Variants in ARHGEF4 observed in about 807,000 individuals in gnomAD.
The protein encoded by ARHGEF4 is APC-stimulated guanine nucleotide exchange factor 1.
In ARHGEF4, 119 loss-of-function variants were observed where a neutral mutation model predicts 162.0. That is an observed-to-expected ratio of 0.73 (90% CI 0.63 to 0.86). The LOEUF (loss-of-function observed/expected upper bound fraction) is 0.86. ARHGEF4 is among the 40% of genes least tolerant of loss of function. The pLI is 0.00. For synonymous variants in ARHGEF4, 1,014 were observed against 979.9 expected (o/e 1.03, Z -0.65); for missense variants, 2,488 against 2,456.0 (o/e 1.01, Z -0.28).
chr2:130,953,589 C>A (rs775800250), intron 4 of ARHGEF4, among the ~76,000 whole-genome samples: 1 of 152,058 alleles, frequency 6.6e-6, no homozygotes, highest in African/African-American at 2.4e-5. Context: ...TTCTGCACAG[C>A]AAAAGAAACT....
chr2:131,035,070 A>G, intron 5 of ARHGEF4: 1 of 1,013,506 alleles, frequency 9.9e-7, no homozygotes, highest in East Asian at 9.9e-5. Flanking sequence ...TCGGGGCCGC[A>G]CGGAGCGGGA....
At chr2:130,869,859 A>G (rs1377669706) in intron 1 of ARHGEF4, among the ~76,000 whole-genome samples, 2 of 152,238 alleles carry the variant, frequency 1.3e-5, no homozygotes, top group Non-Finnish European at 2.9e-5. Flanking sequence ...CTTGGGGGCC[A>G]GAGGCTCAGA....
intron 4 of ARHGEF4, among the ~76,000 whole-genome samples, chr2:130,993,658 G>GT (rs942475542): frequency 7.0e-4 from 106 of 152,078 alleles, no homozygotes; most frequent in African/African-American, 2.5e-3. Flanking sequence ...ATTATTAAAT[G>GT]TTTTTCTTTT....
chr2:130,920,321 T>G (rs545767596), intron 2 of ARHGEF4, among the ~76,000 whole-genome samples: 1 of 152,292 alleles, frequency 6.6e-6, no homozygotes, highest in South Asian at 2.1e-4. Context: ...GTTGCCCCAG[T>G]TGGAGTCTGC....
Position 130,967,170 on chromosome 2 carries a change from G to A in ARHGEF4, c.3985+20535G>A, listed in dbSNP as rs141272968. On this transcript the variant is annotated intron_variant, in intron 4 of 13. Transcript: ENST00000409359. ...GAATCCAGGCAGGGCCTCTAGACTCGCCTTGCTTTCAAAAGACTCCTTGAA... is the reference window on the plus strand; with the variant it reads ...GAATCCAGGCAGGGCCTCTAGACTCACCTTGCTTTCAAAAGACTCCTTGAA... 1.9e-3 allele frequency among the ~76,000 whole-genome samples: 284 copies of A among 152,286 alleles called. 3 individuals are homozygous for A. Among genetic ancestry groups the A allele is most frequent in the African/African-American group, 6.5e-3 (268 of 41,548 alleles).
At chr2:130,945,537 C>T (rs1683558651) in intron 3 of ARHGEF4, among the ~76,000 whole-genome samples, 1 of 152,174 alleles carries the variant, frequency 6.6e-6, no homozygotes, top group African/African-American at 2.4e-5. Context: ...CCTTAAGGAC[C>T]CTTTTCCCTC....
At chr2:131,035,071 C>T in intron 5 of ARHGEF4, 2 of 1,015,002 alleles carry the variant, frequency 2.0e-6, no homozygotes, top group Non-Finnish European at 2.4e-6. Flanking sequence ...CGGGGCCGCA[C>T]GGAGCGGGAG....
chr2:130,993,329 A>G (rs11896203), intron 4 of ARHGEF4, among the ~76,000 whole-genome samples: 145,818 of 152,314 alleles, frequency 0.96, 70,128 homozygotes, highest in Non-Finnish European at 1. Flanking sequence ...AATTTCTGGC[A>G]TATTTGTATT....
chr2:130,882,777 G>C lies in ARHGEF4; in HGVS notation c.40-31209G>C, dbSNP rs1679279681. Among the ~76,000 whole-genome samples, 5 of 151,840 alleles carry C rather than the reference G, an allele frequency of 3.3e-5. No homozygotes were observed. The South Asian group carries it at 1.0e-3, about 32-fold the overall frequency. ...ATTTAAAAGAAGCAGAAAATGAAAT[G>C]TCTGTGGGTGCAGGCAGGAGGGCCA... is the stretch of plus-strand genomic sequence containing the variant. On this transcript the variant is annotated intron_variant, in intron 1 of 13. Coordinates refer to ENST00000409359, the MANE Select transcript of ARHGEF4 (RefSeq NM_001367493.1).
At chr2:130,838,601 G>A (rs779946257) in intron 1 of ARHGEF4, among the ~76,000 whole-genome samples, 3 of 151,548 alleles carry the variant, frequency 2.0e-5, no homozygotes, top group South Asian at 4.2e-4. Flanking sequence ...GCGAGACTCC[G>A]TCTCAAAAAA....
chr2:131,003,317 C>T (rs2105316094), intron 4 of ARHGEF4, among the ~76,000 whole-genome samples: 1 of 152,362 alleles, frequency 6.6e-6, no homozygotes, highest in South Asian at 2.1e-4. Context: ...CACACTGTTT[C>T]TGTATGAAGT....
chr2:130,882,562 C>T (rs1177414007), intron 1 of ARHGEF4, among the ~76,000 whole-genome samples: 4 of 151,884 alleles, frequency 2.6e-5, no homozygotes, highest in Admixed American at 2.6e-4. Context: ...CTCTCAATAC[C>T]CTCACCTTGG....
chr2:130,916,469 C>T lies in ARHGEF4; in HGVS notation c.2523C>T (p.Ala841=). 1 of 1,543,898 alleles carries T rather than the reference C, an allele frequency of 6.5e-7. No homozygotes were observed. Among genetic ancestry groups the T allele is most frequent in the Non-Finnish European group, 8.7e-7 (1 of 1,145,984 alleles). ...GLPRENPPAA[A]GRDAPPLHHG... is the part of the protein sequence containing the mutation. ...CCAGGGAGAATCCGCCCGCTGCGGC[C>T]GGTCGGGACGCACCGCCTCTGCACC... Residue 841 remains alanine, a synonymous_variant, in exon 2 of 14, where the codon GCC becomes GCT. Coordinates refer to ENST00000409359, the MANE Select transcript of ARHGEF4 (RefSeq NM_001367493.1).
At chr2:130,885,421 G>A (rs186658517) in intron 1 of ARHGEF4, among the ~76,000 whole-genome samples, 218 of 151,572 alleles carry the variant, frequency 1.4e-3, no homozygotes, top group Non-Finnish European at 2.8e-3. Flanking sequence ...TCATTCAAGA[G>A]GAAAGAACCC....
At chr2:130,939,501 A>G (rs1683161627) in intron 3 of ARHGEF4, among the ~76,000 whole-genome samples, 1 of 152,020 alleles carries the variant, frequency 6.6e-6, no homozygotes, top group African/African-American at 2.4e-5. Flanking sequence ...CTATGTACTG[A>G]GCCTTCATGT....
At chr2:130,947,542 C>G (rs772571254) in intron 4 of ARHGEF4, among the ~76,000 whole-genome samples, 14 of 152,172 alleles carry the variant, frequency 9.2e-5, no homozygotes, top group Non-Finnish European at 1.5e-4. Flanking sequence ...CTCTAATCAG[C>G]TGATGGAACT....
At position 130,967,101 on chromosome 2, in the gene ARHGEF4, G is replaced by A. The variant is rs577615500; in HGVS notation, c.3985+20466G>A. On this transcript the variant is annotated intron_variant, in intron 4 of 13. Coordinates refer to ENST00000409359, the MANE Select transcript of ARHGEF4 (RefSeq NM_001367493.1). ...AAGCATCTGAAAAGTGAGTGCTTGTGACTGGATAGCAGCTTCCTCACAGGG... is the reference window on the plus strand; with the variant it reads ...AAGCATCTGAAAAGTGAGTGCTTGTAACTGGATAGCAGCTTCCTCACAGGG... Among the ~76,000 whole-genome samples the A allele has an allele frequency of 2.6e-5, 4 of 152,318 alleles. No individual in the cohort carries two copies. The South Asian group carries it at 8.3e-4, about 32-fold the overall frequency.
intron 4 of ARHGEF4, among the ~76,000 whole-genome samples, chr2:130,949,719 G>A (rs61597462): frequency 0.021 from 3,165 of 152,094 alleles, 105 homozygotes; most frequent in African/African-American, 0.071. Flanking sequence ...GATCGATCTC[G>A]GCTCACTGCA....
intron 5 of ARHGEF4, among the ~76,000 whole-genome samples, chr2:131,029,614 A>G (rs1459204758): frequency 6.7e-6 from 1 of 148,890 alleles, no homozygotes; most frequent in Admixed American, 6.7e-5. Context: ...GCATTGGCAC[A>G]GTGGTCTCGG....
Sources: allele counts gnomAD v4.1 joint callset (sites outside exome capture counted in the v4.1 genomes callset), GRCh38; gene constraint gnomAD v4.1.1; transcripts MANE v1.5; gene names NCBI Gene and HGNC (gene_info 2026-07-23, HGNC 2026-07-21).